Variants in CTNND2 observed in about 807,000 individuals in gnomAD.
CTNND2 encodes the protein catenin delta 2.
Under a neutral mutation model 144.4 loss-of-function variants are expected in CTNND2, and 22 were observed. The ratio of observed to expected loss-of-function variants is 0.15; its 90% CI spans 0.11 to 0.22. The LOEUF is 0.22. CTNND2 is among the 10% of genes least tolerant of loss of function. The pLI is 1.00. For missense variants in CTNND2, 1,353 were observed against 1,618.8 expected, an observed-to-expected ratio of 0.84 and a Z score of 2.82; for synonymous variants, 751 against 695.6, an observed-to-expected ratio of 1.08 and a Z score of -1.25.
intron 3 of CTNND2, among the ~76,000 whole-genome samples, chr5:11,484,595 C>T (rs1021512382): frequency 1.3e-5 from 2 of 152,104 alleles, no homozygotes; most frequent in East Asian, 1.9e-4. Context: ...CCCAAATATG[C>T]CCCCCATATA....
chr5:11,376,139 CT>C (rs1319949980), intron 7 of CTNND2, among the ~76,000 whole-genome samples: 3 of 152,154 alleles, frequency 2.0e-5, no homozygotes, highest in Non-Finnish European at 2.9e-5. Flanking sequence ...TTATTTTGGA[CT>C]TTCCAGCCTC....
intron 9 of CTNND2, among the ~76,000 whole-genome samples, chr5:11,250,203 C>T (rs1580708759): frequency 6.6e-6 from 1 of 152,066 alleles, no homozygotes; most frequent in East Asian, 1.9e-4. Context: ...TTGAAAGGCC[C>T]AACTATAGGT....
At chr5:11,721,929 T>C (rs1786713181) in intron 2 of CTNND2, among the ~76,000 whole-genome samples, 1 of 152,124 alleles carries the variant, frequency 6.6e-6, no homozygotes, top group Non-Finnish European at 1.5e-5. Flanking sequence ...CAGATTCTCA[T>C]CACAAGAAGG....
intron 2 of CTNND2, among the ~76,000 whole-genome samples, chr5:11,591,929 T>A (rs759870615): frequency 6.6e-6 from 1 of 152,066 alleles, no homozygotes; most frequent in Non-Finnish European, 1.5e-5. Flanking sequence ...ATTCTAAGTA[T>A]GAAAAAAAGT....
chr5:11,331,547 A>T (rs1045876897), intron 9 of CTNND2, among the ~76,000 whole-genome samples: 20 of 152,230 alleles, frequency 1.3e-4, no homozygotes, highest in Non-Finnish European at 5.9e-5. Flanking sequence ...AATTTTAAAC[A>T]TGATTATTTT....
intron 8 of CTNND2, among the ~76,000 whole-genome samples, chr5:11,349,563 T>C (rs894363280): frequency 3.9e-5 from 6 of 152,144 alleles, no homozygotes; most frequent in African/African-American, 1.4e-4. Context: ...CTCAAAGCTG[T>C]AGATTATTGA....
At chr5:11,268,818 A>AT (rs1351907110) in intron 9 of CTNND2, among the ~76,000 whole-genome samples, 5 of 151,994 alleles carry the variant, frequency 3.3e-5, no homozygotes, top group South Asian at 2.1e-4. Flanking sequence ...ATTACGGGTA[A>AT]TTTTTTTTCT....
intron 2 of CTNND2, among the ~76,000 whole-genome samples, chr5:11,643,644 C>G (rs1782187127): frequency 6.6e-6 from 1 of 151,856 alleles, no homozygotes; most frequent in Non-Finnish European, 1.5e-5. Context: ...CATTGTACAG[C>G]TTTATAACAG....
intron 16 of CTNND2, among the ~76,000 whole-genome samples, chr5:11,067,396 C>T (rs1416107556): frequency 6.6e-6 from 1 of 152,158 alleles, no homozygotes; most frequent in Non-Finnish European, 1.5e-5. Flanking sequence ...CACTGAAATG[C>T]TGAAGAAATA....
intron 9 of CTNND2, among the ~76,000 whole-genome samples, chr5:11,303,786 A>G (rs1257512086): frequency 1.3e-5 from 2 of 152,164 alleles, no homozygotes; most frequent in East Asian, 3.9e-4. Flanking sequence ...TCATTCTAAA[A>G]TGAAGATAAC....
At chr5:11,480,156 T>C (rs749229995) in intron 3 of CTNND2, among the ~76,000 whole-genome samples, 3 of 152,210 alleles carry the variant, frequency 2.0e-5, no homozygotes, top group Non-Finnish European at 4.4e-5. Flanking sequence ...TACATTTAAG[T>C]ATTTAATCCA....
intron 1 of CTNND2, among the ~76,000 whole-genome samples, chr5:11,754,887 T>C (rs1013743342): frequency 2.6e-5 from 4 of 151,820 alleles, no homozygotes; most frequent in African/African-American, 9.7e-5. Context: ...CTTGCTTCTT[T>C]ATACAATTTG....
intron 2 of CTNND2, among the ~76,000 whole-genome samples, chr5:11,675,587 G>A (rs10054362): frequency 0.2 from 30,623 of 151,626 alleles, 4,672 homozygotes; most frequent in African/African-American, 0.43. Flanking sequence ...TGAATTTTGC[G>A]TTCACCAGTC....
intron 16 of CTNND2, among the ~76,000 whole-genome samples, chr5:11,056,717 G>A (rs10070781): frequency 0.047 from 7,096 of 152,304 alleles, 226 homozygotes; most frequent in African/African-American, 0.076. Context: ...ATAATTTAGA[G>A]CTCAGTGAGA....
At chr5:11,844,407 C>A (rs1454658120) in intron 1 of CTNND2, among the ~76,000 whole-genome samples, 2 of 152,004 alleles carry the variant, frequency 1.3e-5, no homozygotes, top group African/African-American at 2.4e-5. Flanking sequence ...CACACACATA[C>A]ACATACACAC....
intron 2 of CTNND2, among the ~76,000 whole-genome samples, chr5:11,676,195 A>G (rs943808862): frequency 2.0e-5 from 3 of 152,248 alleles, no homozygotes; most frequent in Admixed American, 2.0e-4. Flanking sequence ...AGGTATAAAA[A>G]CAGCTTTACA....
intron 9 of CTNND2, among the ~76,000 whole-genome samples, chr5:11,255,688 C>A (rs1312568904): frequency 6.6e-6 from 1 of 152,202 alleles, no homozygotes; most frequent in East Asian, 1.9e-4. Flanking sequence ...TTTATCAGGT[C>A]TGTTTCTTCA....
At chr5:11,750,596 C>T (rs906812077) in intron 1 of CTNND2, among the ~76,000 whole-genome samples, 2 of 151,766 alleles carry the variant, frequency 1.3e-5, no homozygotes, top group African/African-American at 4.8e-5. Flanking sequence ...TGTTTTGCCC[C>T]CAAAGGGTTC....
chr5:11,691,264 G>T (rs970783085), intron 2 of CTNND2, among the ~76,000 whole-genome samples: 1 of 151,862 alleles, frequency 6.6e-6, no homozygotes, highest in East Asian at 1.9e-4. Context: ...CCAGTTACTC[G>T]GGAGGCTGAG....
Sources: gnomAD v4.1 joint callset for allele counts (sites outside exome capture counted in the v4.1 genomes callset) on GRCh38, gnomAD v4.1.1 for gene constraint, MANE v1.5 for transcripts, NCBI Gene and HGNC (gene_info 2026-07-23, HGNC 2026-07-21) for gene names.